MME: variants seen among roughly 807,000 people sequenced by gnomAD.
The protein encoded by MME is membrane metalloendopeptidase.
MME carries 98 observed loss-of-function variants against 113.2 expected under a neutral mutation model. The ratio of observed to expected loss-of-function variants is 0.87; its 90% CI spans 0.74 to 1.02. The LOEUF (loss-of-function observed/expected upper bound fraction) is 1.02, where lower values mean the gene tolerates loss of function less well. MME is among the 50% of genes least tolerant of loss of function. The pLI is 0.00. For synonymous variants in MME, 292 were observed against 300.6 expected (o/e 0.97, Z 0.30); for missense variants, 836 against 896.0 (o/e 0.93, Z 0.86).
At chr3:155,168,068 A>G (rs1711526263) in intron 18 of MME, among the ~76,000 whole-genome samples, 1 of 152,238 alleles carries the variant, frequency 6.6e-6, no homozygotes, top group African/African-American at 2.4e-5. Context: ...TGCTTGAAGT[A>G]GAGGGAAACT....
intron 8 of MME, among the ~76,000 whole-genome samples, chr3:155,127,221 G>C (rs1289128348): frequency 6.6e-6 from 1 of 152,168 alleles, no homozygotes; most frequent in African/African-American, 2.4e-5. Context: ...TGTCATGCCA[G>C]TCTGGAAGTA....
intron 16 of MME, among the ~76,000 whole-genome samples, chr3:155,151,030 G>A (rs1433692282): frequency 3.3e-5 from 5 of 152,044 alleles, no homozygotes; most frequent in Admixed American, 6.6e-5. Flanking sequence ...GCCTGTAATC[G>A]CGCCACTGCA....
At chr3:155,159,811 G>C (rs1024634838) in intron 16 of MME, among the ~76,000 whole-genome samples, 1 of 151,962 alleles carries the variant, frequency 6.6e-6, no homozygotes, top group Non-Finnish European at 1.5e-5. Context: ...TCATTTTAAA[G>C]TCATACAAAA....
chr3:155,089,950 A>T, intron 3 of MME: 1 of 355,320 alleles, frequency 2.8e-6, no homozygotes, highest in Non-Finnish European at 5.8e-6. Context: ...ACAGCGCAAG[A>T]CTCTATCTCC....
chr3:155,042,940 G>GTGTATA (rs1348422171), intron 1 of MME, among the ~76,000 whole-genome samples: 2 of 53,580 alleles, frequency 3.7e-5, no homozygotes, highest in East Asian at 1.2e-3. Context: ...ATATATATAT[G>GTGTATA]TATATATATA....
At chr3:155,174,495 A>G (rs1365192279) in intron 22 of MME, among the ~76,000 whole-genome samples, 2 of 152,028 alleles carry the variant, frequency 1.3e-5, no homozygotes, top group African/African-American at 4.8e-5. Context: ...TTAGTTTTGG[A>G]AACAGGCCAC....
intron 3 of MME, among the ~76,000 whole-genome samples, chr3:155,092,976 G>A (rs1433779341): frequency 6.6e-6 from 1 of 151,648 alleles, no homozygotes; most frequent in Admixed American, 6.6e-5. Flanking sequence ...TGTGGTGATG[G>A]TTGCACAACT....
At position 155,175,823 on chromosome 3, in the gene MME, C is replaced by T. The variant is rs531386591; in HGVS notation, c.2153+3211C>T. 1.1e-4 allele frequency among the ~76,000 whole-genome samples: 16 copies of T among 152,164 alleles called. No individual in the cohort carries two copies. The East Asian group carries it at 2.7e-3, about 26-fold the overall frequency. ...CTTCATAACTCTGTAATTTAGCATGCTAATAAGCCCTCTTTGAAATTCTTC... is the reference window on the plus strand; with the variant it reads ...CTTCATAACTCTGTAATTTAGCATGTTAATAAGCCCTCTTTGAAATTCTTC... On this transcript the variant is annotated intron_variant, in intron 22 of 22. Transcript: ENST00000360490.
At chr3:155,063,592 A>C (rs1392247717) in intron 1 of MME, among the ~76,000 whole-genome samples, 2 of 89,690 alleles carry the variant, frequency 2.2e-5, no homozygotes, top group Non-Finnish European at 2.4e-5. Flanking sequence ...ATATATAATA[A>C]ATATATTATA....
chr3:155,130,559 A>G (rs2108288470), intron 8 of MME, among the ~76,000 whole-genome samples: 1 of 152,308 alleles, frequency 6.6e-6, no homozygotes, highest in Admixed American at 6.5e-5. Context: ...GAGGACTTGG[A>G]ACATGGGCAC....
At position 155,116,364 on chromosome 3, in the gene MME, T is replaced by G. The variant is rs183031256; in HGVS notation, c.359-115T>G. On this transcript the variant is annotated intron_variant, in intron 4 of 22. Coordinates refer to ENST00000360490, the MANE Select transcript of MME (RefSeq NM_007289.4). ...TGAATGTACCTCCAGAAAAGCAAGG[T>G]TTTTTTTTAACTGAACCCACTTTGC... 385 of 763,808 alleles carry G rather than the reference T, an allele frequency of 5.0e-4. 2 individuals are homozygous for G. In the African/African-American group the frequency reaches 5.8e-3, roughly 12 times the overall value. The allele number at this position is 763,808 out of a possible 1,614,324, so 47.3% of individuals were successfully genotyped here.
intron 1 of MME, among the ~76,000 whole-genome samples, chr3:155,030,047 A>G (rs1712916971): frequency 6.6e-6 from 1 of 152,216 alleles, no homozygotes; most frequent in Admixed American, 6.5e-5. Flanking sequence ...CTCAATTTGC[A>G]TGCCCAAAGA....
chr3:155,036,123 G>A (rs965942554), intron 1 of MME, among the ~76,000 whole-genome samples: 2 of 152,096 alleles, frequency 1.3e-5, no homozygotes, highest in East Asian at 1.9e-4. Flanking sequence ...ATTCCAGGAA[G>A]ACTCCAATAT....
intron 9 of MME, among the ~76,000 whole-genome samples, chr3:155,138,984 C>G (rs1393015687): frequency 1.3e-5 from 2 of 152,004 alleles, no homozygotes; most frequent in Non-Finnish European, 1.5e-5. Context: ...CCCTGACTCC[C>G]TATCTGCTTG....
At chr3:155,059,344 A>G (rs1714059822) in intron 1 of MME, among the ~76,000 whole-genome samples, 1 of 152,040 alleles carries the variant, frequency 6.6e-6, no homozygotes, top group Non-Finnish European at 1.5e-5. Flanking sequence ...CCTGCCCAGA[A>G]TGACATCAAA....
intron 17 of MME, among the ~76,000 whole-genome samples, chr3:155,164,059 T>C (rs1371481763): frequency 6.6e-6 from 1 of 151,174 alleles, no homozygotes; most frequent in Non-Finnish European, 1.5e-5. Context: ...TGGGAGGATT[T>C]CCTGAGCCTG....
intron 8 of MME, 46 bp downstream of exon 8, chr3:155,118,857 G>T (rs202246108): frequency 2.9e-5 from 35 of 1,191,422 alleles, no homozygotes; most frequent in Non-Finnish European, 3.8e-5. Context: ...AAATGATCTG[G>T]TGTAAACCTA....
chr3:155,175,156 AC>A (rs1192687226), intron 22 of MME, among the ~76,000 whole-genome samples: 2 of 151,932 alleles, frequency 1.3e-5, no homozygotes, highest in Non-Finnish European at 1.5e-5. Context: ...GACACAGACT[AC>A]TTTATGATTA....
At chr3:155,140,127 A>T in intron 9 of MME, 64 bp from the exon 10 acceptor site, 1 of 1,097,400 alleles carries the variant, frequency 9.1e-7, no homozygotes, top group Non-Finnish European at 1.4e-6. Context: ...TTACCCTCAT[A>T]TGTAGTTATA....
Sources: allele counts gnomAD v4.1 joint callset (sites outside exome capture counted in the v4.1 genomes callset), GRCh38; gene constraint gnomAD v4.1.1; transcripts MANE v1.5; gene names NCBI Gene and HGNC (gene_info 2026-07-23, HGNC 2026-07-21).